The following CNRIP1 variants were observed in gnomAD, a reference collection of about 807,000 sequenced individuals.
CNRIP1 encodes the protein cannabinoid receptor interacting protein 1, also known as CB1 cannabinoid receptor-interacting protein 1.
Under a neutral mutation model 15.2 loss-of-function variants are expected in CNRIP1, and 10 were observed. The ratio of observed to expected loss-of-function variants is 0.66; its 90% CI spans 0.41 to 1.12. The LOEUF (loss-of-function observed/expected upper bound fraction) is 1.12. Ranked by LOEUF, CNRIP1 falls within the 50% of genes most tolerant of loss-of-function variation. CNRIP1 has a pLI of 0.00. For synonymous variants in CNRIP1, 91 were observed against 83.2 expected, an observed-to-expected ratio of 1.09 and a Z score of -0.51; for missense variants, 211 against 214.7, an observed-to-expected ratio of 0.98 and a Z score of 0.11.
Position 68,317,220 on chromosome 2 carries a change from A to C in CNRIP1, c.267T>G (p.Tyr89Ter). 1 of 1,614,188 alleles carries C rather than the reference A, an allele frequency of 6.2e-7. No individual in the cohort carries two copies. Among genetic ancestry groups the C allele is most frequent in the Non-Finnish European group, 8.5e-7 (1 of 1,180,030 alleles). The change falls in exon 2 of 3, where the codon TAT (tyrosine) becomes TAG (stop). Residue 89 changes from tyrosine (Y) to a stop codon, truncating the protein, a stop_gained. Transcript: ENST00000263655. LOFTEE classifies it high-confidence loss of function. ...TCGTTGGGGTCACACCTTCTGTGTC[A>C]TATGTACCCGTATAAACAACTCTGT... The part of the protein sequence containing the change: ...DGDRVVYTGT[Y>*]DTEGVTPTKS...
chr2:68,311,413 C>T (rs1163321180), intron 2 of CNRIP1, among the ~76,000 whole-genome samples: 1 of 151,574 alleles, frequency 6.6e-6, no homozygotes, highest in Non-Finnish European at 1.5e-5. Flanking sequence ...TTTGAAAAGG[C>T]CAATAAAACT....
At chr2:68,284,299 C>T (rs923631554) in exon 3 of CNRIP1, 3 of 556,708 alleles carry the variant, frequency 5.4e-6, no homozygotes, top group Non-Finnish European at 9.0e-6. Context: ...TAGGAATCTA[C>T]ATTTTAACAA....
At chr2:68,302,550 A>G (rs6746740) in intron 2 of CNRIP1, among the ~76,000 whole-genome samples, 84,253 of 152,042 alleles carry the variant, frequency 0.55, 23,981 homozygotes, top group East Asian at 0.72. Flanking sequence ...CAGGGCCTCT[A>G]GAATTATCTG....
At chr2:68,290,649 A>C (rs1010758661), downstream of CNRIP1, among the ~76,000 whole-genome samples, 2 of 152,212 alleles carry the variant, frequency 1.3e-5, no homozygotes, top group African/African-American at 4.8e-5. Context: ...GTCAGAAACC[A>C]GATCACCCCA....
intron 2 of CNRIP1, among the ~76,000 whole-genome samples, chr2:68,310,837 T>C (rs568902746): frequency 6.6e-5 from 10 of 152,070 alleles, no homozygotes; most frequent in Non-Finnish European, 7.4e-5. Flanking sequence ...TGGTCTCAAT[T>C]AGCCAACATA....
chr2:68,308,976 C>A (rs775070948), intron 2 of CNRIP1, among the ~76,000 whole-genome samples: 5 of 151,788 alleles, frequency 3.3e-5, no homozygotes, highest in Admixed American at 1.3e-4. Flanking sequence ...TTCTCAGTTT[C>A]CCAGAAGAAA....
downstream of CNRIP1, chr2:68,292,946 G>A: frequency 2.3e-6 from 2 of 855,600 alleles, no homozygotes; most frequent in Non-Finnish European, 2.8e-6. Flanking sequence ...GAGTGAAGCT[G>A]GCCTAGAGCA....
At chr2:68,286,317 AACACACACACAC>A (rs3039882) in intron 2 of CNRIP1, among the ~76,000 whole-genome samples, 1 of 149,622 alleles carries the variant, frequency 6.7e-6, no homozygotes, top group African/African-American at 2.5e-5. Context: ...GGACCTTACG[AACACACACACAC>A]ACACACACAC....
chr2:68,298,724 A>G (rs996081452), intron 2 of CNRIP1, among the ~76,000 whole-genome samples: 8 of 152,202 alleles, frequency 5.3e-5, no homozygotes. Flanking sequence ...CCGATGCCTT[A>G]GCTGTTTATA....
chr2:68,298,136 G>A (rs1047714534), intron 2 of CNRIP1, among the ~76,000 whole-genome samples: 2 of 152,048 alleles, frequency 1.3e-5, no homozygotes, highest in East Asian at 1.9e-4. Flanking sequence ...TAGGTTAGTG[G>A]TGGTATGTAT....
At chr2:68,294,072 G>A (rs371401440) in intron 2 of CNRIP1, 46 bp from the exon 3 acceptor site, 24 of 1,587,084 alleles carry the variant, frequency 1.5e-5, no homozygotes, top group South Asian at 3.4e-5. Context: ...ATTCTGCCAC[G>A]AGCAATAGAT....
At chr2:68,305,270 ATATATGTGTGTGTGTGTGTGTGTG>A (rs1671783033) in intron 2 of CNRIP1, among the ~76,000 whole-genome samples, 3 of 98,596 alleles carry the variant, frequency 3.0e-5, no homozygotes, top group African/African-American at 1.1e-4. Flanking sequence ...ATATATATAT[ATATATGTGTGTGTGTGTGTGTGTG>A]TGTGTGTGTG....
chr2:68,309,090 G>A (rs577309954), intron 2 of CNRIP1, among the ~76,000 whole-genome samples: 1 of 152,262 alleles, frequency 6.6e-6, no homozygotes, highest in East Asian at 1.9e-4. Flanking sequence ...GCTGTGAGCT[G>A]TTTTTACACA....
Position 68,293,484 on chromosome 2 carries a change from A to G in CNRIP1, c.*378T>C. ...GTTATTTTTAAATTTAACATTGAACAAAAAAAAGGAGGAATCACTTAACTT... is the reference window on the plus strand; with the variant it reads ...GTTATTTTTAAATTTAACATTGAACGAAAAAAAGGAGGAATCACTTAACTT... On this transcript the variant is annotated 3_prime_UTR_variant, in exon 3 of 3. Coordinates refer to ENST00000263655, the MANE Select transcript of CNRIP1 (RefSeq NM_015463.3). The G allele has an allele frequency of 1.0e-6, 1 of 999,218 alleles. No individual in the cohort carries two copies. Among genetic ancestry groups the G allele is most frequent in the Non-Finnish European group, 1.2e-6 (1 of 837,578 alleles). The allele number at this position is 999,218 out of a possible 1,614,324, so 61.9% of individuals were successfully genotyped here. A position where few individuals can be genotyped will look rare whatever the true frequency, so the allele number is the denominator to read the frequency against.
intron 1 of CNRIP1, among the ~76,000 whole-genome samples, chr2:68,318,736 C>A (rs765087490): frequency 6.6e-6 from 1 of 152,218 alleles, no homozygotes; most frequent in Non-Finnish European, 1.5e-5. Context: ...CAGGGAGCCC[C>A]AGTAATCACC....
rs546703015 is a variant in CNRIP1 at position 68,319,457 on chromosome 2, G to A, written c.-57C>T. 32 of 1,436,794 alleles carry A rather than the reference G, an allele frequency of 2.2e-5. No homozygotes were observed. The highest frequency in any genetic ancestry group is 5.1e-5 in the Admixed American group (2 of 39,008). 89.0% of individuals were successfully genotyped at this position (1,436,794 alleles called of 1,614,324 possible). On this transcript the variant is annotated 5_prime_UTR_variant, in exon 1 of 3. Transcript: ENST00000263655. Reference sequence around the variant, plus strand: ...GGGGGCGGAGGACAGCGCCGGCTGCGGCCGAGTGGCTGGAGCGCGAGGGGC... The same window carrying A: ...GGGGGCGGAGGACAGCGCCGGCTGCAGCCGAGTGGCTGGAGCGCGAGGGGC...
downstream of CNRIP1, among the ~76,000 whole-genome samples, chr2:68,292,290 A>T (rs928101596): frequency 6.6e-6 from 1 of 152,242 alleles, no homozygotes; most frequent in Non-Finnish European, 1.5e-5. Flanking sequence ...CTCCTTTAAC[A>T]TCATTTATGA....
chr2:68,310,044 T>C (rs189462651), intron 2 of CNRIP1, among the ~76,000 whole-genome samples: 3 of 152,246 alleles, frequency 2.0e-5, no homozygotes, highest in East Asian at 1.9e-4. Context: ...GAGTTTTGGA[T>C]TGGCCAGGCA....
At chr2:68,316,976 C>T in intron 2 of CNRIP1, 181 bp downstream of exon 2, 1 of 750,800 alleles carries the variant, frequency 1.3e-6, no homozygotes, top group Non-Finnish European at 2.4e-6. Flanking sequence ...GTCTGTCATG[C>T]AAAAGAGCAT....
Sources: allele counts gnomAD v4.1 joint callset (sites outside exome capture counted in the v4.1 genomes callset), GRCh38; gene constraint gnomAD v4.1.1; transcripts MANE v1.5; gene names NCBI Gene and HGNC (gene_info 2026-07-23, HGNC 2026-07-21).